Variants in TMEM196 observed in about 807,000 individuals in gnomAD.
TMEM196 encodes the protein transmembrane protein 196.
TMEM196 carries 17 observed loss-of-function variants against 20.0 expected under a neutral mutation model. The ratio of observed to expected loss-of-function variants is 0.85; its 90% CI spans 0.58 to 1.27. TMEM196 has a LOEUF of 1.27. TMEM196 is among the 50% of genes most tolerant of loss of function. The pLI is 0.00. For synonymous variants in TMEM196, 113 were observed against 88.9 expected, an observed-to-expected ratio of 1.27 and a Z score of -1.52; for missense variants, 267 against 223.0, an observed-to-expected ratio of 1.20 and a Z score of -1.26.
intron 1 of TMEM196, among the ~76,000 whole-genome samples, chr7:19,730,627 G>A (rs914308814): frequency 6.6e-6 from 1 of 152,152 alleles, no homozygotes; most frequent in Non-Finnish European, 1.5e-5. Context: ...TAACAATATA[G>A]CTTGTTTCAC....
intron 1 of TMEM196, among the ~76,000 whole-genome samples, chr7:19,738,841 A>G (rs1355808029): frequency 6.6e-6 from 1 of 152,144 alleles, no homozygotes; most frequent in Non-Finnish European, 1.5e-5. Context: ...CAAATAACTT[A>G]TGTAGATATT....
chr7:19,746,328 C>T (rs968551996), intron 1 of TMEM196, among the ~76,000 whole-genome samples: 3 of 152,272 alleles, frequency 2.0e-5, no homozygotes, highest in Admixed American at 2.0e-4. Context: ...GAGGATAAGA[C>T]TGGTACAAAT....
At chr7:19,759,593 C>G (rs1785351938) in intron 1 of TMEM196, among the ~76,000 whole-genome samples, 1 of 152,034 alleles carries the variant, frequency 6.6e-6, no homozygotes, top group African/African-American at 2.4e-5. Flanking sequence ...TCACAGGTCA[C>G]AAACAGATTC....
rs1554299468 is a variant in TMEM196 at position 19,748,284 on chromosome 7, A to AAAC, written c.148-18847_148-18846insGTT. On this transcript the variant is annotated intron_variant, in intron 1 of 4. Coordinates refer to ENST00000405844, the MANE Select transcript of TMEM196 (RefSeq NM_001363562.2). ...TGTCCAAAAAAAAAAAAAAAAAAAAAAAAAAAACAGTGTAATGACAGAACT... is the reference window on the plus strand; with the variant it reads ...TGTCCAAAAAAAAAAAAAAAAAAAAAAACAAAAAAACAGTGTAATGACAGAACT... Among the ~76,000 whole-genome samples, 180 of 148,506 alleles carry AAAC rather than the reference A, an allele frequency of 1.2e-3. 6 individuals are homozygous for AAAC. Among genetic ancestry groups the AAAC allele is most frequent in the African/African-American group, 4.4e-3 (171 of 39,126 alleles).
At position 19,729,446 on chromosome 7, in the gene TMEM196, G is replaced by C; in HGVS notation, c.148-8C>G. The C allele has an allele frequency of 6.5e-7, 1 of 1,549,370 alleles. No homozygotes were observed. Among genetic ancestry groups the C allele is most frequent in the Non-Finnish European group, 8.7e-7 (1 of 1,146,420 alleles). Reference sequence around the variant, plus strand: ...AATGCCACAAAGAAGAAACTGAAAAGGAAAAGAAGAACAATTACTCCTTAT... The same window carrying C: ...AATGCCACAAAGAAGAAACTGAAAACGAAAAGAAGAACAATTACTCCTTAT... On this transcript the variant is annotated splice_polypyrimidine_tract_variant and splice_region_variant and intron_variant, in intron 1 of 4. Transcript: ENST00000405844.
At chr7:19,760,532 T>C (rs1785397396) in intron 1 of TMEM196, among the ~76,000 whole-genome samples, 2 of 152,030 alleles carry the variant, frequency 1.3e-5, no homozygotes, top group South Asian at 4.2e-4. Flanking sequence ...GGCTAATTTT[T>C]GTATTTTTGG....
intron 1 of TMEM196, among the ~76,000 whole-genome samples, chr7:19,744,374 T>C (rs981466543): frequency 6.6e-6 from 1 of 152,164 alleles, no homozygotes; most frequent in African/African-American, 2.4e-5. Flanking sequence ...AAATAACTTA[T>C]ACTCTCTACA....
intron 1 of TMEM196, among the ~76,000 whole-genome samples, chr7:19,753,207 A>C (rs1583448502): frequency 6.6e-6 from 1 of 152,182 alleles, no homozygotes; most frequent in Admixed American, 6.5e-5. Context: ...TATGTGGCTT[A>C]TTACGTTTTG....
intron 1 of TMEM196, among the ~76,000 whole-genome samples, chr7:19,755,238 C>T (rs1785158923): frequency 6.6e-6 from 1 of 152,166 alleles, no homozygotes; most frequent in Admixed American, 6.5e-5. Flanking sequence ...ATGCCCTGAT[C>T]ATACTTTTTG....
chr7:19,732,611 TGATTTTTA>T (rs1477412144), intron 1 of TMEM196, among the ~76,000 whole-genome samples: 2 of 129,248 alleles, frequency 1.5e-5, no homozygotes, highest in East Asian at 3.7e-4. Context: ...GGAATGGAAG[TGATTTTTA>T]GAGTTTTTTT....
At chr7:19,756,087 CAAA>C (rs34239969) in intron 1 of TMEM196, among the ~76,000 whole-genome samples, 4 of 143,810 alleles carry the variant, frequency 2.8e-5, no homozygotes, top group Non-Finnish European at 4.6e-5. Context: ...TTCTTTTGAT[CAAA>C]AAAAAAAATG....
intron 1 of TMEM196, among the ~76,000 whole-genome samples, chr7:19,745,413 G>T (rs1019551033): frequency 2.0e-5 from 3 of 151,882 alleles, no homozygotes; most frequent in Admixed American, 6.6e-5. Context: ...CCAGTAAAAA[G>T]ATTTTTACTG....
intron 1 of TMEM196, among the ~76,000 whole-genome samples, chr7:19,771,913 C>G (rs1009621430): frequency 6.6e-6 from 1 of 152,216 alleles, no homozygotes; most frequent in East Asian, 1.9e-4. Context: ...AACTTACTGT[C>G]TAGAACTTAC....
chr7:19,730,418 A>T (rs1003789275), intron 1 of TMEM196, among the ~76,000 whole-genome samples: 1 of 152,254 alleles, frequency 6.6e-6, no homozygotes, highest in African/African-American at 2.4e-5. Context: ...ATAAAATGAT[A>T]AATAGTTTAA....
chr7:19,759,592 A>G (rs1451521167), intron 1 of TMEM196, among the ~76,000 whole-genome samples: 1 of 152,074 alleles, frequency 6.6e-6, no homozygotes, highest in African/African-American at 2.4e-5. Context: ...TTCACAGGTC[A>G]CAAACAGATT....
intron 1 of TMEM196, among the ~76,000 whole-genome samples, chr7:19,758,637 T>C (rs924743281): frequency 1.3e-5 from 2 of 152,230 alleles, no homozygotes; most frequent in Admixed American, 6.5e-5. Context: ...TTTCTAAATC[T>C]CTGGTTCATT....
chr7:19,760,423 T>C (rs1034965033), intron 1 of TMEM196, among the ~76,000 whole-genome samples: 2 of 137,596 alleles, frequency 1.5e-5, no homozygotes, highest in Non-Finnish European at 3.1e-5. Context: ...TGCAGTGACA[T>C]GATCTTGGCT....
At chr7:19,769,374 G>A (rs912721342) in intron 1 of TMEM196, among the ~76,000 whole-genome samples, 2 of 151,798 alleles carry the variant, frequency 1.3e-5, no homozygotes, top group African/African-American at 2.4e-5. Flanking sequence ...CCTCAAACTG[G>A]CACACAGTCT....
intron 1 of TMEM196, among the ~76,000 whole-genome samples, chr7:19,758,690 A>G (rs1451717064): frequency 2.6e-5 from 4 of 152,236 alleles, no homozygotes; most frequent in African/African-American, 9.6e-5. Context: ...AAGAGAAAAC[A>G]TTTTAATGAT....
Sources: gnomAD v4.1 joint callset for allele counts (sites outside exome capture counted in the v4.1 genomes callset) on GRCh38, gnomAD v4.1.1 for gene constraint, MANE v1.5 for transcripts, NCBI Gene and HGNC (gene_info 2026-07-23, HGNC 2026-07-21) for gene names.